METTL25: variants seen among roughly 807,000 people sequenced by gnomAD.
The protein encoded by METTL25 is probable methyltransferase-like protein 25.
In METTL25, 64 loss-of-function variants were observed where a neutral mutation model predicts 71.6. The ratio of observed to expected loss-of-function variants is 0.89; its 90% CI spans 0.73 to 1.10. The LOEUF (loss-of-function observed/expected upper bound fraction) is 1.10, where lower values mean the gene tolerates loss of function less well. Among genes scored for constraint, METTL25 ranks in the 50% least tolerant of loss-of-function variants. METTL25 has a pLI of 0.00. For missense variants in METTL25, 807 were observed against 707.0 expected (o/e 1.14, Z -1.60); for synonymous variants, 287 against 250.3 (o/e 1.15, Z -1.38).
chr12:82,409,460 A>T (rs1887376655), intron 5 of METTL25, among the ~76,000 whole-genome samples: 1 of 152,072 alleles, frequency 6.6e-6, no homozygotes, highest in Non-Finnish European at 1.5e-5. Flanking sequence ...TACCAGTATA[A>T]CTTGGTTGTT....
At chr12:82,416,403 T>C (rs1422858738) in intron 5 of METTL25, among the ~76,000 whole-genome samples, 1 of 151,652 alleles carries the variant, frequency 6.6e-6, no homozygotes, top group African/African-American at 2.4e-5. Flanking sequence ...TCCTGAAGAG[T>C]AGGTCTGATT....
chr12:82,435,480 G>A (rs898523930), intron 7 of METTL25, among the ~76,000 whole-genome samples: 3 of 151,334 alleles, frequency 2.0e-5, no homozygotes, highest in Non-Finnish European at 4.4e-5. Context: ...TATACACTGT[G>A]CCTATCTTAA....
chr12:82,470,261 G>A (rs761414621), intron 9 of METTL25, among the ~76,000 whole-genome samples: 2 of 152,148 alleles, frequency 1.3e-5, no homozygotes, highest in Non-Finnish European at 2.9e-5. Context: ...AGTGAACCCA[G>A]GTTTTTATTT....
chr12:82,413,299 G>A (rs1887697026), intron 5 of METTL25, among the ~76,000 whole-genome samples: 1 of 151,948 alleles, frequency 6.6e-6, no homozygotes, highest in Non-Finnish European at 1.5e-5. Context: ...AGATTTAGGA[G>A]ACACTCAGCA....
chr12:82,391,281 G>A (rs1043598719), intron 3 of METTL25, among the ~76,000 whole-genome samples: 2 of 152,012 alleles, frequency 1.3e-5, no homozygotes, highest in Non-Finnish European at 2.9e-5. Context: ...GCAGAAGCAG[G>A]AAAATATAGA....
intron 1 of METTL25, among the ~76,000 whole-genome samples, chr12:82,372,334 G>C (rs962831462): frequency 6.6e-6 from 1 of 152,222 alleles, no homozygotes; most frequent in South Asian, 2.1e-4. Context: ...TGGTCCTTTG[G>C]AGAGTTCTTT....
intron 9 of METTL25, among the ~76,000 whole-genome samples, chr12:82,462,300 A>G (rs578155981): frequency 6.6e-6 from 1 of 152,284 alleles, no homozygotes; most frequent in African/African-American, 2.4e-5. Flanking sequence ...GACTGCTAGA[A>G]CTTAATTCTC....
At chr12:82,427,897 A>G (rs541741874) in intron 5 of METTL25, among the ~76,000 whole-genome samples, 1 of 152,100 alleles carries the variant, frequency 6.6e-6, no homozygotes, top group East Asian at 1.9e-4. Context: ...GACCAAAGTA[A>G]CAGTGACTTA....
chr12:82,477,297 C>A lies in METTL25; in HGVS notation c.1664C>A (p.Ala555Asp). The A allele has an allele frequency of 6.4e-7, 1 of 1,557,468 alleles. No homozygotes were observed. Among genetic ancestry groups the A allele is most frequent in the Non-Finnish European group, 8.7e-7 (1 of 1,151,100 alleles). ...TTATTTTAGTTGAAAGTTGTACTGG[C>A]TCCCTGTATAGAGACTTTGATTCTT... is the stretch of plus-strand genomic sequence containing the variant. ...EAFNMLKVVL[A>D]PCIETLILLD... The change falls in exon 11 of 12, where the codon GCT becomes GAT. Residue 555 changes from alanine to aspartate, a missense_variant. Ala to Asp is a moderately radical substitution (Grantham distance 126, BLOSUM62 -2). Coordinates refer to ENST00000248306, the MANE Select transcript of METTL25 (RefSeq NM_032230.3).
chr12:82,424,302 C>T (rs1313051774), intron 5 of METTL25, among the ~76,000 whole-genome samples: 6 of 151,912 alleles, frequency 3.9e-5, no homozygotes, highest in South Asian at 2.1e-4. Flanking sequence ...AACCAAACAC[C>T]GCATGTTCTC....
intron 1 of METTL25, among the ~76,000 whole-genome samples, chr12:82,375,755 T>A (rs1380342189): frequency 2.6e-5 from 4 of 152,234 alleles, no homozygotes; most frequent in African/African-American, 9.6e-5. Context: ...TTTTATGGCC[T>A]TTATAATATC....
rs538657837 is a variant in METTL25, at chr12:82,435,914, A to G, written c.1404+1190A>G. Among the ~76,000 whole-genome samples, 27 of 151,608 alleles carry G rather than the reference A, an allele frequency of 1.8e-4. No individual in the cohort carries two copies. In the South Asian group the frequency reaches 5.6e-3, roughly 31 times the overall value. ...CTTCTCATCAATTGAGATAATAAAT[A>G]CATAGTACTATATAGTATGTACTCT... On this transcript the variant is annotated intron_variant, in intron 7 of 11. Coordinates refer to ENST00000248306, the MANE Select transcript of METTL25 (RefSeq NM_032230.3).
At chr12:82,403,879 A>G (rs1232615595) in intron 5 of METTL25, among the ~76,000 whole-genome samples, 1 of 152,130 alleles carries the variant, frequency 6.6e-6, no homozygotes, top group Admixed American at 6.5e-5. Context: ...TGTTAGTTTA[A>G]TGATATCTTT....
At chr12:82,395,423 G>T (rs535842340) in intron 3 of METTL25, among the ~76,000 whole-genome samples, 4 of 151,954 alleles carry the variant, frequency 2.6e-5, no homozygotes, top group African/African-American at 7.2e-5. Flanking sequence ...AGTTAACCAG[G>T]CTCAGGATGG....
intron 8 of METTL25, among the ~76,000 whole-genome samples, chr12:82,441,292 T>A (rs1287494422): frequency 6.7e-6 from 1 of 148,542 alleles, no homozygotes; most frequent in Non-Finnish European, 1.5e-5. Flanking sequence ...CACTAACATC[T>A]TATATATATA....
chr12:82,378,525 G>C (rs2136903404), intron 1 of METTL25, among the ~76,000 whole-genome samples: 1 of 152,300 alleles, frequency 6.6e-6, no homozygotes, highest in East Asian at 1.9e-4. Context: ...CATCTATTTT[G>C]TGTTAATGTT....
At chr12:82,449,392 C>G (rs551216330) in intron 8 of METTL25, among the ~76,000 whole-genome samples, 1 of 152,250 alleles carries the variant, frequency 6.6e-6, no homozygotes, top group African/African-American at 2.4e-5. Flanking sequence ...TCCTGTGCAC[C>G]ATGAACAGCT....
intron 8 of METTL25, among the ~76,000 whole-genome samples, chr12:82,440,055 G>A (rs992717306): frequency 3.3e-5 from 5 of 151,794 alleles, no homozygotes; most frequent in East Asian, 3.9e-4. Flanking sequence ...TGACCATGTC[G>A]GTAATTGTTT....
intron 5 of METTL25, among the ~76,000 whole-genome samples, chr12:82,413,716 A>G (rs1156869076): frequency 6.6e-6 from 1 of 151,984 alleles, no homozygotes; most frequent in Non-Finnish European, 1.5e-5. Context: ...CATGCGTATT[A>G]TTTCAATTTA....
Sources: gnomAD v4.1 joint callset for allele counts (sites outside exome capture counted in the v4.1 genomes callset) on GRCh38, gnomAD v4.1.1 for gene constraint, MANE v1.5 for transcripts, NCBI Gene and HGNC (gene_info 2026-07-23, HGNC 2026-07-21) for gene names.